Variants in VPS37A observed in about 807,000 individuals in gnomAD.
VPS37A encodes the protein vacuolar protein sorting-associated protein 37A.
A neutral mutation model predicts 49.8 loss-of-function variants in VPS37A; 30 were observed. The observed-to-expected ratio is 0.60, with a 90% CI of 0.45 to 0.82. The LOEUF (loss-of-function observed/expected upper bound fraction) is 0.82, where lower values mean the gene tolerates loss of function less well. VPS37A is among the 40% of genes least tolerant of loss of function. The probability of loss-of-function intolerance (pLI) is 0.00; values close to 1 mark genes in which losing one functional copy is unlikely to be tolerated. For synonymous variants in VPS37A, 195 were observed against 160.6 expected (o/e 1.21, Z -1.62); for missense variants, 593 against 464.4 (o/e 1.28, Z -2.55).
In VPS37A at chr8:17,280,059, G is replaced by C; in HGVS notation, c.745G>C (p.Glu249Gln). The C allele has an allele frequency of 6.2e-7, 1 of 1,612,116 alleles. No homozygotes were observed. Among genetic ancestry groups the C allele is most frequent in the Non-Finnish European group, 8.5e-7 (1 of 1,179,088 alleles). The change falls in exon 7 of 12, where the codon GAG becomes CAG. Residue 249 changes from glutamate (E) to glutamine (Q), a missense_variant. Glu to Gln is a conservative substitution (Grantham distance 29, BLOSUM62 2). Transcript: ENST00000324849. ...VSQLTDMNEQ[E>Q]EVLLEQFLTL... is the part of the protein sequence containing the mutation. ...ACAACTCACAGATATGAATGAACAAGAGGAGGTATTACTAGAACAGTTTCT... is the reference window on the plus strand; with the variant it reads ...ACAACTCACAGATATGAATGAACAACAGGAGGTATTACTAGAACAGTTTCT...
chr8:17,325,672 C>G, the VPS37A span, among the ~76,000 whole-genome samples: 2 of 152,212 alleles, frequency 1.3e-5, no homozygotes, highest in Admixed American at 1.3e-4. Flanking sequence ...GAACAACTTG[C>G]TGAGAAAATA....
intron 9 of VPS37A, among the ~76,000 whole-genome samples, chr8:17,280,870 C>G (rs1172021589): frequency 6.6e-6 from 1 of 151,562 alleles, no homozygotes; most frequent in Admixed American, 6.6e-5. Flanking sequence ...TGCTAGAAAT[C>G]CAGTTATGTG....
intron 1 of VPS37A, chr8:17,247,644 C>G (rs1182101840): frequency 2.8e-6 from 2 of 704,342 alleles, no homozygotes; most frequent in South Asian, 1.5e-5. Context: ...ATCTCTCAAT[C>G]TCTCTCATAG....
chr8:17,256,431 T>C (rs1211478909), intron 1 of VPS37A, among the ~76,000 whole-genome samples: 1 of 149,090 alleles, frequency 6.7e-6, no homozygotes, highest in Non-Finnish European at 1.5e-5. Context: ...CACCACACCC[T>C]GTATGCTGCT....
intron 11 of VPS37A, among the ~76,000 whole-genome samples, chr8:17,289,449 A>G (rs1350802018): frequency 6.6e-6 from 1 of 152,142 alleles, no homozygotes; most frequent in Non-Finnish European, 1.5e-5. Flanking sequence ...AACACCATTT[A>G]TTAAATAGGG....
intron 1 of VPS37A, among the ~76,000 whole-genome samples, chr8:17,258,397 CATT>C (rs1438929492): frequency 6.6e-6 from 1 of 152,072 alleles, no homozygotes; most frequent in Non-Finnish European, 1.5e-5. Flanking sequence ...TTGAAACAAT[CATT>C]TGTTTTTTGT....
At position 17,252,072 on chromosome 8, in the gene VPS37A, T is replaced by C. The variant is rs6990087; in HGVS notation, c.125+4703T>C. On this transcript the variant is annotated intron_variant, in intron 1 of 11. Transcript: ENST00000324849. ...ATATTGTAATGAAGGGATGTGTATG[T>C]CTGTGTTTCAACCCGTCGCATGTTA... Among the ~76,000 whole-genome samples, 1,035 of 152,342 alleles carry C rather than the reference T, an allele frequency of 6.8e-3. 15 individuals carry two copies. Among genetic ancestry groups the C allele is most frequent in the African/African-American group, 0.023 (977 of 41,576 alleles).
chr8:17,276,725 T>G (rs113224695), intron 6 of VPS37A, among the ~76,000 whole-genome samples: 6 of 152,256 alleles, frequency 3.9e-5, no homozygotes, highest in African/African-American at 1.4e-4. Flanking sequence ...ATCCTTTCTG[T>G]CATGTGGCCT....
At chr8:17,271,603 C>G (rs144990539) in intron 4 of VPS37A, among the ~76,000 whole-genome samples, 12,534 of 151,226 alleles carry the variant, frequency 0.083, 663 homozygotes, top group South Asian at 0.2. Context: ...AAGACTCCGT[C>G]TCAAAAAAAA....
At chr8:17,324,261 A>C in the VPS37A span, among the ~76,000 whole-genome samples, 2 of 152,240 alleles carry the variant, frequency 1.3e-5, no homozygotes, top group Non-Finnish European at 2.9e-5. Context: ...CTGTCTGATG[A>C]ATAGATGAGC....
At chr8:17,259,912 T>C (rs1812816794) in intron 1 of VPS37A, among the ~76,000 whole-genome samples, 1 of 152,186 alleles carries the variant, frequency 6.6e-6, no homozygotes, top group African/African-American at 2.4e-5. Flanking sequence ...GGTTTCCAGT[T>C]GCATGAAATA....
At chr8:17,262,006 A>C (rs907774553) in intron 1 of VPS37A, among the ~76,000 whole-genome samples, 4 of 152,132 alleles carry the variant, frequency 2.6e-5, no homozygotes, top group African/African-American at 9.7e-5. Flanking sequence ...CCTGCCAGGG[A>C]ACCAAAAATG....
intron 1 of VPS37A, among the ~76,000 whole-genome samples, chr8:17,253,509 C>G (rs1317784281): frequency 6.6e-6 from 1 of 152,144 alleles, no homozygotes; most frequent in Non-Finnish European, 1.5e-5. Context: ...CAGAATGTAA[C>G]GTTTCATATA....
At chr8:17,322,415 G>C in the VPS37A span, among the ~76,000 whole-genome samples, 22 of 152,302 alleles carry the variant, frequency 1.4e-4, no homozygotes, top group African/African-American at 5.1e-4. Flanking sequence ...GAATTTTTGT[G>C]TCTAAAGACA....
chr8:17,302,863 C>A (rs1020858280), downstream of VPS37A, among the ~76,000 whole-genome samples: 4 of 151,806 alleles, frequency 2.6e-5, no homozygotes, highest in East Asian at 1.9e-4. Flanking sequence ...CAGGCATGCA[C>A]CACCATGCCT....
chr8:17,290,744 G>T (rs1816064619), intron 11 of VPS37A, among the ~76,000 whole-genome samples: 3 of 152,294 alleles, frequency 2.0e-5, no homozygotes, highest in South Asian at 4.1e-4. Context: ...AATAGTTTTA[G>T]AAGGAATGGT....
At chr8:17,304,278 A>C, downstream of VPS37A, 1 of 1,309,280 alleles carries the variant, frequency 7.6e-7, no homozygotes. Context: ...GTCCAATAAA[A>C]GCCTCAAAGA....
the VPS37A span, among the ~76,000 whole-genome samples, chr8:17,325,812 A>C: frequency 6.6e-6 from 1 of 152,236 alleles, no homozygotes; most frequent in Admixed American, 6.5e-5. Context: ...AAAGAAATTC[A>C]GCAAATGTAC....
intron 1 of VPS37A, among the ~76,000 whole-genome samples, chr8:17,259,035 C>G (rs1049470837): frequency 1.3e-5 from 2 of 151,990 alleles, no homozygotes; most frequent in African/African-American, 2.4e-5. Context: ...TTTATCTTTT[C>G]AAATAACCAA....
Sources: allele counts gnomAD v4.1 joint callset (sites outside exome capture counted in the v4.1 genomes callset), GRCh38; gene constraint gnomAD v4.1.1; transcripts MANE v1.5; gene names NCBI Gene and HGNC (gene_info 2026-07-23, HGNC 2026-07-21).